Variants in ERICH6 observed in about 807,000 individuals in gnomAD.
ERICH6 encodes the protein glutamate rich 6, also known as glutamate-rich protein 6.
A neutral mutation model predicts 71.0 loss-of-function variants in ERICH6; 71 were observed. That is an observed-to-expected ratio of 1.00 (90% CI 0.83 to 1.22). The LOEUF (loss-of-function observed/expected upper bound fraction) is 1.22. ERICH6 is among the 50% of genes most tolerant of loss of function. ERICH6 has a pLI of 0.00. For missense variants in ERICH6, 808 were observed against 797.2 expected (o/e 1.01, Z -0.16); for synonymous variants, 262 against 278.4 (o/e 0.94, Z 0.59).
At chr3:150,684,212 C>A (rs1185688392) in intron 6 of ERICH6, among the ~76,000 whole-genome samples, 1 of 152,020 alleles carries the variant, frequency 6.6e-6, no homozygotes, top group African/African-American at 2.4e-5. Flanking sequence ...ATAGTGAGAC[C>A]ACATCTTTTC....
chr3:150,660,665 C>A (rs1033218061), intron 13 of ERICH6, among the ~76,000 whole-genome samples: 5 of 152,192 alleles, frequency 3.3e-5, no homozygotes, highest in African/African-American at 1.2e-4. Context: ...CTGCTCTCCC[C>A]ACTCTCTCAC....
At chr3:150,688,094 G>A (rs1303379528) in intron 3 of ERICH6, among the ~76,000 whole-genome samples, 1 of 152,038 alleles carries the variant, frequency 6.6e-6, no homozygotes, top group Non-Finnish European at 1.5e-5. Context: ...CTGAAGCCTG[G>A]GTGACAGAGC....
intron 5 of ERICH6, 31 bp downstream of exon 5, chr3:150,685,935 T>C (rs1246447298): frequency 6.3e-7 from 1 of 1,597,504 alleles, no homozygotes; most frequent in Admixed American, 1.7e-5. Flanking sequence ...ATGAGAACAG[T>C]GTACTAGTTA....
intron 10 of ERICH6, 82 bp downstream of exon 10, chr3:150,678,315 GCATCATGTAGCC>G: frequency 1.7e-6 from 2 of 1,201,162 alleles, no homozygotes; most frequent in Non-Finnish European, 2.3e-6. Context: ...CTAGTTAAAT[GCATCATGTAGCC>G]AAGCTTCATG....
chr3:150,702,271 T>C (rs1712908389), intron 1 of ERICH6, 93 bp from the exon 2 acceptor site: 1 of 85,934 alleles, frequency 1.2e-5, no homozygotes, highest in South Asian at 3.4e-4. Flanking sequence ...GTCTGGAGAC[T>C]TTTTTTTTTT....
intron 13 of ERICH6, among the ~76,000 whole-genome samples, chr3:150,663,737 C>A (rs149622561): frequency 0.011 from 1,732 of 152,228 alleles, 29 homozygotes; most frequent in African/African-American, 0.04. Context: ...CACAGCCTCC[C>A]AAAGTGCTGG....
chr3:150,697,021 T>C (rs1712680666), intron 3 of ERICH6, among the ~76,000 whole-genome samples: 1 of 152,172 alleles, frequency 6.6e-6, no homozygotes, highest in Middle Eastern at 3.2e-3. Context: ...GGGGAATCTT[T>C]AAATAAATAA....
rs764357446 is a variant in ERICH6 at position 150,678,366 on chromosome 3, GT to G, written c.1257+42del. On this transcript the variant is annotated intron_variant, in intron 10 of 13. Coordinates refer to ENST00000295910, the MANE Select transcript of ERICH6 (RefSeq NM_152394.5). ...GACTTTATAATTTTAGGTAAAACTG[GT>G]TTTTTTTAAAATAGCAAGTAAAAAA... 10 of 1,520,236 alleles carry G rather than the reference GT, an allele frequency of 6.6e-6. No homozygotes were observed. The East Asian group carries it at 1.2e-4, about 18-fold the overall frequency. 94.2% of individuals were successfully genotyped at this position (1,520,236 alleles called of 1,614,324 possible). A position where few individuals can be genotyped will look rare whatever the true frequency, so the allele number is the denominator to read the frequency against.
In ERICH6 at chr3:150,669,221, T is replaced by C. The variant is rs182326004; in HGVS notation, c.1499+75A>G. The C allele has an allele frequency of 5.6e-6, 8 of 1,436,448 alleles. No individual in the cohort carries two copies. In the African/African-American group the frequency reaches 8.6e-5, roughly 16 times the overall value. 89.0% of individuals were successfully genotyped at this position (1,436,448 alleles called of 1,614,324 possible). A position where few individuals can be genotyped will look rare whatever the true frequency, so the allele number is the denominator to read the frequency against. ...ATAAATCTTCTGAAACCCATTCTTA[T>C]CATTTAAAAAGAAAAAACAAAATTT... On this transcript the variant is annotated intron_variant, in intron 12 of 13. Transcript: ENST00000295910.
intron 13 of ERICH6, among the ~76,000 whole-genome samples, chr3:150,662,368 GA>G (rs1271098615): frequency 1.6e-4 from 25 of 152,170 alleles, no homozygotes; most frequent in African/African-American, 6.0e-4. Flanking sequence ...ACCATTTTGG[GA>G]AACTTTCATA....
Position 150,666,976 on chromosome 3 carries a change from T to A in ERICH6, c.1539A>T (p.Gln513His), listed in dbSNP as rs936994555. The A allele has an allele frequency of 6.2e-6, 10 of 1,614,052 alleles. No homozygotes were observed. In the African/African-American group the frequency reaches 1.3e-4, roughly 22 times the overall value. The change falls in exon 13 of 14, where the codon CAA (glutamine) becomes CAT (histidine). Residue 513 changes from glutamine to histidine, a missense_variant. This residue lies in a region of ERICH6 where 736 missense variants were observed against 712.2 expected (regional missense o/e 1.03). Transcript: ENST00000295910. ...INILGGQYSDQAGNRIRAWNW... is the reference protein window; with the variant it reads ...INILGGQYSDHAGNRIRAWNW... ...TCCAAGCCCTTATTCTGTTGCCGGC[T>A]TGATCTGAATATTGACCTCCCAAGA...
chr3:150,661,070 C>T (rs1330861706), intron 13 of ERICH6, among the ~76,000 whole-genome samples: 3 of 152,172 alleles, frequency 2.0e-5, no homozygotes, highest in Non-Finnish European at 2.9e-5. Context: ...ATTTATCCCC[C>T]TGCCCCCACC....
At chr3:150,700,241 A>ATTTTTTTTTTTTTTTTTTT (rs34624356) in intron 2 of ERICH6, among the ~76,000 whole-genome samples, 1 of 110,970 alleles carries the variant, frequency 9.0e-6, no homozygotes, top group Non-Finnish European at 1.7e-5. Context: ...TGCCCGGCTA[A>ATTTTTTTTTTTTTTTTTTT]TTTTTTTTTT....
Position 150,685,753 on chromosome 3 carries a change from T to C in ERICH6, c.772A>G (p.Ile258Val). 1.2e-6 allele frequency: 2 copies of C among 1,612,082 alleles called. No individual in the cohort carries two copies. Among genetic ancestry groups the C allele is most frequent in the Non-Finnish European group, 1.7e-6 (2 of 1,179,106 alleles). Residue 258 changes from isoleucine to valine, a missense_variant, in exon 6 of 14, where the codon ATT (isoleucine) becomes GTT (valine). Transcript: ENST00000295910. ...AYKEESSNLG[I>V]NFKDEEEETS... is the part of the protein sequence containing the mutation. Reference sequence around the variant, plus strand: ...TGAATTAAAGTCACCTTGAAGTTAATGCCTAAATTGGAGCTCTCTTCTTTG... The same window carrying C: ...TGAATTAAAGTCACCTTGAAGTTAACGCCTAAATTGGAGCTCTCTTCTTTG...
rs1464747209 is a variant in ERICH6 at position 150,659,885 on chromosome 3, T to A, written c.*7A>T. 4 of 1,592,016 alleles carry A rather than the reference T, an allele frequency of 2.5e-6. No homozygotes were observed. ...AACAAAACAAATGAAAGCACCATCATTCTTAGTTAAATTTCTTCATTTATT... is the reference window on the plus strand; with the variant it reads ...AACAAAACAAATGAAAGCACCATCAATCTTAGTTAAATTTCTTCATTTATT... On this transcript the variant is annotated 3_prime_UTR_variant, in exon 14 of 14. Coordinates refer to ENST00000295910, the MANE Select transcript of ERICH6 (RefSeq NM_152394.5).
At position 150,669,307 on chromosome 3, in the gene ERICH6, A is replaced by T; in HGVS notation, c.1488T>A (p.Asn496Lys). 1 of 1,606,232 alleles carries T rather than the reference A, an allele frequency of 6.2e-7. No individual in the cohort carries two copies. Among genetic ancestry groups the T allele is most frequent in the Non-Finnish European group, 8.5e-7 (1 of 1,177,326 alleles). ...SSGRSSCYHP[N>K]GNVWVYINIL... ...ACCTAGAAGCTTACCAGACATTTCC[A>T]TTGGGATGATAGCAGGAACTTCTGC... Residue 496 changes from asparagine (N) to lysine (K), a missense_variant, in exon 12 of 14, where the codon AAT becomes AAA. By Grantham distance (94) the Asn-to-Lys change is moderately conservative. This residue lies in a region of ERICH6 where 736 missense variants were observed against 712.2 expected (regional missense o/e 1.03). Coordinates refer to ENST00000295910, the MANE Select transcript of ERICH6 (RefSeq NM_152394.5).
Position 150,703,603 on chromosome 3 carries a change from G to C in ERICH6, c.296C>G (p.Ala99Gly). ...GGTCAGGCTAGGGCTGACGATGCTG[G>C]CTAAGCGGGGGCGCACGTCTGGGAA... ...DDFPDVRPRL[A>G]SIVSPSLTST... is the part of the protein sequence containing the mutation. Residue 99 changes from alanine (A) to glycine (G), a missense_variant, in exon 1 of 14, where the codon GCC becomes GGC. Ala to Gly is a moderately conservative substitution (Grantham distance 60). Coordinates refer to ENST00000295910, the MANE Select transcript of ERICH6 (RefSeq NM_152394.5). 6.2e-7 allele frequency: 1 copy of C among 1,614,046 alleles called. No homozygotes were observed. Among genetic ancestry groups the C allele is most frequent in the Non-Finnish European group, 8.5e-7 (1 of 1,180,000 alleles).
At chr3:150,678,357 G>A in intron 10 of ERICH6, 52 bp downstream of exon 10, 1 of 1,506,746 alleles carries the variant, frequency 6.6e-7, no homozygotes, top group South Asian at 1.4e-5. Flanking sequence ...ATAATTTTAG[G>A]TAAAACTGGT....
At chr3:150,677,321 A>T (rs571171448) in intron 10 of ERICH6, among the ~76,000 whole-genome samples, 4 of 152,128 alleles carry the variant, frequency 2.6e-5, no homozygotes, top group Non-Finnish European at 5.9e-5. Flanking sequence ...ATTCTGAGGG[A>T]CTATACTTAC....
Sources: gnomAD v4.1 joint callset for allele counts (sites outside exome capture counted in the v4.1 genomes callset) on GRCh38, gnomAD v4.1.1 for gene constraint, gnomAD v4.1.1 regional missense constraint, MANE v1.5 for transcripts, NCBI Gene and HGNC (gene_info 2026-07-23, HGNC 2026-07-21) for gene names.